RAD51B: variants seen among roughly 807,000 people sequenced by gnomAD.
RAD51B encodes RAD51 paralog B, also known as DNA repair protein RAD51 homolog 2.
Under a neutral mutation model 42.2 loss-of-function variants are expected in RAD51B, and 38 were observed. The ratio of observed to expected loss-of-function variants is 0.90; its 90% confidence interval spans 0.70 to 1.18. The LOEUF is 1.18. Among genes scored for constraint, RAD51B ranks in the 50% most tolerant of loss-of-function variants. The pLI, the probability that RAD51B is intolerant of heterozygous loss-of-function variation, is 0.00. For synonymous variants in RAD51B, 154 were observed against 145.2 expected (o/e 1.06, Z -0.43); for missense variants, 373 against 400.7 (o/e 0.93, Z 0.59).
chr14:68,031,858 A>G, intron 7 of RAD51B, among the ~76,000 whole-genome samples: 1 of 152,310 alleles, frequency 6.6e-6, no homozygotes, highest in Non-Finnish European at 1.5e-5. Flanking sequence ...ATATTCTCCC[A>G]TGATTATTTT....
intron 8 of RAD51B, among the ~76,000 whole-genome samples, chr14:68,317,656 T>C (rs954929092): frequency 6.6e-6 from 1 of 152,190 alleles, no homozygotes; most frequent in Admixed American, 6.5e-5. Flanking sequence ...CATCACTCCT[T>C]CCAGTTAGAT....
At chr14:68,584,145 T>C (rs1890343215) in intron 10 of RAD51B, among the ~76,000 whole-genome samples, 1 of 152,196 alleles carries the variant, frequency 6.6e-6, no homozygotes, top group Non-Finnish European at 1.5e-5. Flanking sequence ...CACCGTCTCA[T>C]GCTCCTGACA....
intron 5 of RAD51B, among the ~76,000 whole-genome samples, chr14:67,871,259 T>C (rs201459718): frequency 0.058 from 8,744 of 151,246 alleles, 613 homozygotes; most frequent in African/African-American, 0.17. Flanking sequence ...GGGGATATCA[T>C]CACCGATCCC....
rs572739389 is a variant in RAD51B, at chr14:68,255,793, A to G, written c.757-36091A>G. On this transcript the variant is annotated intron_variant, in intron 7 of 10. Transcript: ENST00000471583. ...GCTTTTCCTTCTTAAAGTAATTTCT[A>G]TGTCTGGGATGATGCCATTTTTCTA... 1.7e-4 allele frequency among the ~76,000 whole-genome samples: 26 copies of G among 152,284 alleles called. No homozygotes were observed. The East Asian group carries it at 4.8e-3, about 28-fold the overall frequency.
intron 7 of RAD51B, among the ~76,000 whole-genome samples, chr14:68,264,125 A>G (rs2139558634): frequency 6.6e-6 from 1 of 152,320 alleles, no homozygotes; most frequent in Middle Eastern, 3.4e-3. Flanking sequence ...ACTGAAAACA[A>G]TAGAGCTCTA....
At chr14:68,545,754 A>T in intron 10 of RAD51B, 2 of 410,408 alleles carry the variant, frequency 4.9e-6, no homozygotes, top group Non-Finnish European at 9.8e-6. Flanking sequence ...TCACAGATGA[A>T]TAGGACATGG....
chr14:68,675,152 G>A (rs151131106), intron 11 of RAD51B, among the ~76,000 whole-genome samples: 1 of 152,280 alleles, frequency 6.6e-6, no homozygotes, highest in African/African-American at 2.4e-5. Flanking sequence ...AAGGTAGCAG[G>A]TAGACAAGCA....
At position 68,019,781 on chromosome 14, in the gene RAD51B, G is replaced by C. The variant is rs560349635; in HGVS notation, c.756+132577G>C. 3.3e-5 allele frequency among the ~76,000 whole-genome samples: 5 copies of C among 152,228 alleles called. No homozygotes were observed. The East Asian group carries it at 7.7e-4, about 24-fold the overall frequency. ...AAAAGAGACATCTATCTTATTTCTT[G>C]TTCGTTCTTACCGTATTGCCACATT... On this transcript the variant is annotated intron_variant, in intron 7 of 10. Transcript: ENST00000471583.
chr14:67,885,713 G>C (rs1668649671), intron 5 of RAD51B, 156 bp from the exon 6 acceptor site: 1 of 905,252 alleles, frequency 1.1e-6, no homozygotes, highest in Non-Finnish European at 1.5e-6. Flanking sequence ...TTACAAAAGA[G>C]AGCTTAATTC....
intron 7 of RAD51B, among the ~76,000 whole-genome samples, chr14:68,059,690 T>C (rs928587006): frequency 6.6e-6 from 1 of 152,226 alleles, no homozygotes; most frequent in African/African-American, 2.4e-5. Flanking sequence ...TAATAATGTA[T>C]TTTGAGATAT....
At chr14:68,246,641 C>G (rs1010111440) in intron 7 of RAD51B, among the ~76,000 whole-genome samples, 31 of 152,166 alleles carry the variant, frequency 2.0e-4, no homozygotes, top group Non-Finnish European at 4.1e-4. Context: ...CTCAGTGTGA[C>G]TTTGGTCTCA....
chr14:68,319,267 T>G (rs2082116299), intron 8 of RAD51B, among the ~76,000 whole-genome samples: 1 of 152,224 alleles, frequency 6.6e-6, no homozygotes, highest in Non-Finnish European at 1.5e-5. Context: ...GAATTTTAGA[T>G]AAACAACAAT....
intron 7 of RAD51B, among the ~76,000 whole-genome samples, chr14:68,163,343 G>C (rs1263061736): frequency 2.0e-5 from 3 of 152,078 alleles, no homozygotes; most frequent in Non-Finnish European, 2.9e-5. Flanking sequence ...TCCTTTCTCT[G>C]GTTCTTTTTA....
chr14:68,647,035 G>T (rs367795212), intron 10 of RAD51B, among the ~76,000 whole-genome samples: 1 of 152,222 alleles, frequency 6.6e-6, no homozygotes, highest in East Asian at 1.9e-4. Flanking sequence ...AGATTTCTTA[G>T]CAGACTTAGC....
chr14:68,328,733 AGAATCCAAC>A (rs2082292742), intron 8 of RAD51B, among the ~76,000 whole-genome samples: 1 of 152,242 alleles, frequency 6.6e-6, no homozygotes. Context: ...TGAGCATGTG[AGAATCCAAC>A]CATAAGAATT....
chr14:68,230,051 A>G (rs1374409921), intron 7 of RAD51B, among the ~76,000 whole-genome samples: 2 of 152,188 alleles, frequency 1.3e-5, no homozygotes, highest in African/African-American at 2.4e-5. Context: ...AATCAGTTAC[A>G]CTTTTTCAAC....
chr14:68,326,158 A>C (rs2082248891), intron 8 of RAD51B, among the ~76,000 whole-genome samples: 1 of 147,546 alleles, frequency 6.8e-6, no homozygotes, highest in African/African-American at 2.5e-5. Flanking sequence ...CTCCTGTCTC[A>C]GCCTCCCGAG....
intron 8 of RAD51B, among the ~76,000 whole-genome samples, chr14:68,325,907 G>A (rs944759687): frequency 5.3e-5 from 8 of 151,960 alleles, no homozygotes; most frequent in Admixed American, 2.0e-4. Context: ...TAAGTGTCAA[G>A]CTCTGTGCTA....
chr14:68,486,066 T>C (rs1216588609), intron 10 of RAD51B, among the ~76,000 whole-genome samples: 3 of 152,244 alleles, frequency 2.0e-5, no homozygotes, highest in African/African-American at 7.2e-5. Flanking sequence ...CCAAATGTAT[T>C]CAAATTTCAG....
Sources: gnomAD v4.1 joint callset for allele counts (sites outside exome capture counted in the v4.1 genomes callset) on GRCh38, gnomAD v4.1.1 for gene constraint, MANE v1.5 for transcripts, NCBI Gene and HGNC (gene_info 2026-07-23, HGNC 2026-07-21) for gene names.